Variants in ZNF862 observed in about 807,000 individuals in gnomAD.
ZNF862 encodes zinc finger protein 862.
In ZNF862, 64 loss-of-function variants were observed where a neutral mutation model predicts 91.1. That is an observed-to-expected ratio of 0.70 (90% CI 0.57 to 0.87). ZNF862 has a LOEUF of 0.87. Among genes scored for constraint, ZNF862 ranks in the 40% least tolerant of loss-of-function variants. The pLI is 0.00. For missense variants in ZNF862, 1,459 were observed against 1,528.0 expected (o/e 0.95, Z 0.75); for synonymous variants, 631 against 618.1 (o/e 1.02, Z -0.31).
At chr7:149,849,771 A>G (rs771353470) in intron 4 of ZNF862, among the ~76,000 whole-genome samples, 6 of 152,124 alleles carry the variant, frequency 3.9e-5, no homozygotes, top group Non-Finnish European at 8.8e-5. Context: ...TTTTTTGACC[A>G]CCTCTTTGTT....
rs769135163 is a variant in ZNF862 at position 149,846,245 on chromosome 7, G to C, written c.231G>C (p.Glu77Asp). The part of the protein sequence containing the change: ...GSVQGQRSLL[E>D]HHPGKKQMGY... ...TCCAGGGCCAGAGGAGCCTTCTGGAGCATCACCCAGGTGAGTGTGGAACTG... is the reference window on the plus strand; with the variant it reads ...TCCAGGGCCAGAGGAGCCTTCTGGACCATCACCCAGGTGAGTGTGGAACTG... The change falls in exon 3 of 8, where the codon GAG becomes GAC. Residue 77 changes from glutamate to aspartate, a missense_variant. Transcript: ENST00000223210. 1 of 1,613,004 alleles carries C rather than the reference G, an allele frequency of 6.2e-7. No homozygotes were observed. Among genetic ancestry groups the C allele is most frequent in the Non-Finnish European group, 8.5e-7 (1 of 1,179,332 alleles).
chr7:149,849,165 A>G lies in ZNF862; in HGVS notation c.939+733A>G, dbSNP rs75651605. 3.6e-3 allele frequency among the ~76,000 whole-genome samples: 550 copies of G among 152,218 alleles called. 4 individuals are homozygous for G. Among genetic ancestry groups the G allele is most frequent in the African/African-American group, 0.012 (517 of 41,528 alleles). On this transcript the variant is annotated intron_variant, in intron 4 of 7. Coordinates refer to ENST00000223210, the MANE Select transcript of ZNF862 (RefSeq NM_001099220.3). ...TGTAAACATTGCAGTTTTTTCACAC[A>G]TGTTGTTTGATGTAATGTTTCTGAT...
At chr7:149,848,600 A>ACG (rs1331093051) in intron 4 of ZNF862, among the ~76,000 whole-genome samples, 168 bp downstream of exon 4, 1 of 152,188 alleles carries the variant, frequency 6.6e-6, no homozygotes, top group Non-Finnish European at 1.5e-5. Context: ...ATTGTTTTAG[A>ACG]CGCGTTCCAT....
At chr7:149,846,043 A>G in intron 2 of ZNF862, 108 bp from the exon 3 acceptor site, 1 of 757,910 alleles carries the variant, frequency 1.3e-6, no homozygotes, top group Non-Finnish European at 2.2e-6. Flanking sequence ...TTATCTCACC[A>G]TGCCGAGAGA....
rs561639507 is a variant in ZNF862 at position 149,859,741 on chromosome 7, G to C, written c.1222+215G>C. 3.9e-5 allele frequency: 21 copies of C among 537,334 alleles called. 2 individuals carry two copies. In the South Asian group the frequency reaches 4.5e-4, roughly 11 times the overall value. The allele number at this position is 537,334 out of a possible 1,614,324, so 33.3% of individuals were successfully genotyped here. A position where few individuals can be genotyped will look rare whatever the true frequency, so the allele number is the denominator to read the frequency against. The stretch of plus-strand genomic sequence containing the variant: ...AAACAGGGAAAAAACAGGTCCTTTT[G>C]TAAGCAGAAGTACTGATGGAGGCTG... On this transcript the variant is annotated intron_variant, in intron 6 of 7. Transcript: ENST00000223210.
At position 149,862,154 on chromosome 7, in the gene ZNF862, C is replaced by G; in HGVS notation, c.2994C>G (p.Thr998=). 6.2e-7 allele frequency: 1 copy of G among 1,613,380 alleles called. No individual in the cohort carries two copies. Among genetic ancestry groups the G allele is most frequent in the South Asian group, 1.1e-5 (1 of 91,080 alleles). ...TGGAGGAGTGGCTGGGCCTGAAAAC[C>G]ATTGCCCAGCACCTCCCGTTCTCCA... The part of the protein sequence containing the change: ...ALLEEWLGLK[T]IAQHLPFSML... The change falls in exon 7 of 8, where the codon ACC becomes ACG. Residue 998 remains threonine (T), a synonymous_variant. Coordinates refer to ENST00000223210, the MANE Select transcript of ZNF862 (RefSeq NM_001099220.3).
chr7:149,863,256 A>C (rs1245259185), intron 7 of ZNF862, among the ~76,000 whole-genome samples: 2 of 152,154 alleles, frequency 1.3e-5, no homozygotes, highest in Non-Finnish European at 2.9e-5. Context: ...TCTCCAGACC[A>C]CTCGCGACCA....
chr7:149,859,306 A>G, intron 5 of ZNF862, 116 bp from the exon 6 acceptor site: 1 of 994,904 alleles, frequency 1.0e-6, no homozygotes, highest in Non-Finnish European at 1.5e-6. Flanking sequence ...ACTAGACTTT[A>G]TAAGGACAGA....
rs368345043 is a variant in ZNF862 at position 149,838,457 on chromosome 7, C to G, written c.-155C>G. The G allele has an allele frequency of 6.3e-5, 28 of 443,406 alleles. No individual in the cohort carries two copies. The highest frequency in any genetic ancestry group is 3.7e-4 in the South Asian group (3 of 8,026). The allele number at this position is 443,406 out of a possible 1,614,324, so 27.5% of individuals were successfully genotyped here. A position where few individuals can be genotyped will look rare whatever the true frequency, so the allele number is the denominator to read the frequency against. On this transcript the variant is annotated 5_prime_UTR_variant, in exon 1 of 8. Coordinates refer to ENST00000223210, the MANE Select transcript of ZNF862 (RefSeq NM_001099220.3). ...CTGGGTCCACCGGCGCTACCGCCCC[C>G]CGACGTGAGAGAGCGAAGTTCTTGG... is the stretch of plus-strand genomic sequence containing the variant.
At chr7:149,847,355 T>C (rs1269523021) in intron 3 of ZNF862, among the ~76,000 whole-genome samples, 2 of 152,224 alleles carry the variant, frequency 1.3e-5, no homozygotes, top group African/African-American at 4.8e-5. Flanking sequence ...AGTGATCTTT[T>C]TTAAATCCTA....
At position 149,861,563 on chromosome 7, in the gene ZNF862, C is replaced by T. The variant is rs779072376; in HGVS notation, c.2403C>T (p.Leu801=). Residue 801 remains leucine (L), a synonymous_variant, in exon 7 of 8, where the codon CTC becomes CTT. Transcript: ENST00000223210. The surrounding 1 kb of genome is among the most constrained non-coding windows in gnomAD (Gnocchi z 6.7). The stretch of plus-strand genomic sequence containing the variant: ...GGAGGCGCACGCTGCACGCGCTGCT[C>T]GTGAGCTGGCCCGCCCTGGCCAGGC... The part of the protein sequence containing the change: ...ASRRRTLHAL[L]VSWPALARHL... 2.4e-5 allele frequency: 39 copies of T among 1,596,132 alleles called. No individual in the cohort carries two copies. Among genetic ancestry groups the T allele is most frequent in the African/African-American group, 4.0e-5 (3 of 74,610 alleles).
Position 149,861,761 on chromosome 7 carries a change from G to A in ZNF862, c.2601G>A (p.Glu867=). 1 of 1,613,668 alleles carries A rather than the reference G, an allele frequency of 6.2e-7. No individual in the cohort carries two copies. Among genetic ancestry groups the A allele is most frequent in the Non-Finnish European group, 8.5e-7 (1 of 1,179,856 alleles). ...VCQKEIVLIT[E]VNATLGRAYV... is the part of the protein sequence containing the mutation. ...AGAAGGAGATCGTGCTGATTACAGA[G>A]GTGAACGCCACGCTGGGCCGCGCCT... Residue 867 remains glutamate, a synonymous_variant, in exon 7 of 8, where the codon GAG becomes GAA. Coordinates refer to ENST00000223210, the MANE Select transcript of ZNF862 (RefSeq NM_001099220.3). This position sits in a 1 kb window ranked among gnomAD's most constrained non-coding sequence, Gnocchi z 6.7.
chr7:149,838,455 C>T lies in ZNF862; in HGVS notation c.-157C>T. ...TCCTGGGTCCACCGGCGCTACCGCC[C>T]CCCGACGTGAGAGAGCGAAGTTCTT... is the stretch of plus-strand genomic sequence containing the variant. On this transcript the variant is annotated 5_prime_UTR_variant, in exon 1 of 8. Coordinates refer to ENST00000223210, the MANE Select transcript of ZNF862 (RefSeq NM_001099220.3). 2.3e-6 allele frequency: 1 copy of T among 437,458 alleles called. No individual in the cohort carries two copies. Among genetic ancestry groups the T allele is most frequent in the Non-Finnish European group, 3.8e-6 (1 of 262,296 alleles). 27.1% of individuals were successfully genotyped at this position (437,458 alleles called of 1,614,324 possible).
At chr7:149,841,471 A>C in intron 1 of ZNF862, 1 of 978,050 alleles carries the variant, frequency 1.0e-6, no homozygotes, top group South Asian at 4.7e-5. Context: ...TCTCATGTTC[A>C]TTTATTTATT....
In ZNF862 at chr7:149,864,148, TGGA is replaced by T. The variant is rs777055586; in HGVS notation, c.3379_3381del (p.Glu1127del). On this transcript the variant is annotated inframe_deletion, in exon 8 of 8. Coordinates refer to ENST00000223210, the MANE Select transcript of ZNF862 (RefSeq NM_001099220.3). ...AAGGAGGAGATGGGAGCCCTCTATG[TGGA>T]GGAGCCCAGGACCCAGAAGCCACCC... 14 of 1,593,092 alleles carry T rather than the reference TGGA, an allele frequency of 8.8e-6. No individual in the cohort carries two copies. Among genetic ancestry groups the T allele is most frequent in the Non-Finnish European group, 1.1e-5 (13 of 1,170,070 alleles).
At chr7:149,846,029 C>A (rs898948878) in intron 2 of ZNF862, 122 bp from the exon 3 acceptor site, 2 of 689,392 alleles carry the variant, frequency 2.9e-6, no homozygotes, top group Non-Finnish European at 5.1e-6. Context: ...TCCTCCTTGG[C>A]CCCTTATCTC....
chr7:149,857,606 C>A (rs1355643692), intron 5 of ZNF862, among the ~76,000 whole-genome samples: 3 of 152,136 alleles, frequency 2.0e-5, no homozygotes, highest in African/African-American at 7.2e-5. Flanking sequence ...TCGGTTCATT[C>A]CTGTGTACGA....
Position 149,838,676 on chromosome 7 carries a change from G to A in ZNF862, c.24+41G>A, listed in dbSNP as rs1200057064. ...CCGGGGGCCGCCCGCTCCCTCCCGA[G>A]GATCCCCGAGCCGGGCTCGGGCGAG... is the stretch of plus-strand genomic sequence containing the variant. On this transcript the variant is annotated intron_variant, in intron 1 of 7. Coordinates refer to ENST00000223210, the MANE Select transcript of ZNF862 (RefSeq NM_001099220.3). 3 of 1,196,586 alleles carry A rather than the reference G, an allele frequency of 2.5e-6. No homozygotes were observed. The Admixed American group carries it at 1.3e-4, about 51-fold the overall frequency. 74.1% of individuals were successfully genotyped at this position (1,196,586 alleles called of 1,614,324 possible). A position where few individuals can be genotyped will look rare whatever the true frequency, so the allele number is the denominator to read the frequency against.
Position 149,860,772 on chromosome 7 carries a change from AC to A in ZNF862, c.1616del (p.Pro539LeufsTer34), listed in dbSNP as rs1802445439. The part of the protein sequence containing the change: ...CVNTVEIKED[T>X]PHTALVPEIS... ...CAACACGGTTGAAATCAAGGAAGAC[AC>A]CCCTCACACTGCCCTCGTTCCAGAG... On this transcript the variant is annotated frameshift_variant, in exon 7 of 8. Coordinates refer to ENST00000223210, the MANE Select transcript of ZNF862 (RefSeq NM_001099220.3). LOFTEE classifies it high-confidence loss of function. The A allele has an allele frequency of 2.5e-6, 4 of 1,613,818 alleles. No homozygotes were observed. Among genetic ancestry groups the A allele is most frequent in the East Asian group, 2.2e-5 (1 of 44,860 alleles).
Sources: gnomAD v4.1 joint callset for allele counts (sites outside exome capture counted in the v4.1 genomes callset) on GRCh38, gnomAD v4.1.1 for gene constraint, Gnocchi (gnomAD v3.1) non-coding constraint, MANE v1.5 for transcripts, NCBI Gene and HGNC (gene_info 2026-07-23, HGNC 2026-07-21) for gene names.